The following AKR1C8 variants were observed in gnomAD, a reference collection of about 807,000 sequenced individuals.
AKR1C8 encodes the protein aldo-keto reductase family 1 member C8.
chr10:5,154,323 A>C, the AKR1C8 span: 1 of 313,344 alleles, frequency 3.2e-6, no homozygotes, highest in South Asian at 3.2e-5. Context: ...GGTTTAATCT[A>C]TGGAGGGGAT....
the AKR1C8 span, among the ~76,000 whole-genome samples, chr10:5,135,810 A>T: frequency 1.3e-5 from 2 of 152,316 alleles, no homozygotes; most frequent in Middle Eastern, 6.8e-3. Context: ...ACAATAAAAA[A>T]GTTAAACATT....
chr10:5,163,839 T>C, the AKR1C8 span, among the ~76,000 whole-genome samples: 1 of 152,178 alleles, frequency 6.6e-6, no homozygotes, highest in Non-Finnish European at 1.5e-5. Flanking sequence ...ACCACAGATA[T>C]GCCTTTGTCC....
chr10:5,174,955 A>C, the AKR1C8 span, among the ~76,000 whole-genome samples: 2 of 152,138 alleles, frequency 1.3e-5, no homozygotes, highest in Admixed American at 6.6e-5. Context: ...TGAAATAAAA[A>C]ACAAGGTTTT....
At chr10:5,130,324 G>C in the AKR1C8 span, among the ~76,000 whole-genome samples, 67 of 152,050 alleles carry the variant, frequency 4.4e-4, 1 homozygote, top group East Asian at 3.9e-3. Flanking sequence ...ATACTGAATG[G>C]AGAAAAGTTT....
chr10:5,119,975 C>G, the AKR1C8 span, among the ~76,000 whole-genome samples: 1 of 152,014 alleles, frequency 6.6e-6, no homozygotes, highest in Non-Finnish European at 1.5e-5. Context: ...ATAGACAGGC[C>G]CCAAAACTAG....
chr10:5,147,913 G>T, the AKR1C8 span, among the ~76,000 whole-genome samples: 2 of 152,210 alleles, frequency 1.3e-5, no homozygotes, highest in East Asian at 3.9e-4. Context: ...GCTTATCATT[G>T]CTCAAGTAGA....
the AKR1C8 span, among the ~76,000 whole-genome samples, chr10:5,136,764 A>G: frequency 3.3e-5 from 5 of 152,200 alleles, no homozygotes; most frequent in African/African-American, 1.2e-4. Context: ...CCTTTAGAGG[A>G]GGACATAAAT....
the AKR1C8 span, among the ~76,000 whole-genome samples, chr10:5,124,469 G>C: frequency 9.2e-5 from 14 of 151,926 alleles, no homozygotes; most frequent in Non-Finnish European, 1.9e-4. Context: ...GACTTGGTGA[G>C]GGATTCTTTT....
chr10:5,126,934 A>T, the AKR1C8 span, among the ~76,000 whole-genome samples: 59,619 of 151,934 alleles, frequency 0.39, 12,501 homozygotes, highest in Non-Finnish European at 0.43. Flanking sequence ...GACATTAAAG[A>T]AAAACAGGGA....
chr10:5,139,053 C>T, the AKR1C8 span, among the ~76,000 whole-genome samples: 20 of 152,108 alleles, frequency 1.3e-4, no homozygotes, highest in African/African-American at 4.6e-4. Flanking sequence ...CTCCCATTCA[C>T]AATTGCTTCA....
the AKR1C8 span, among the ~76,000 whole-genome samples, chr10:5,132,968 C>T: frequency 6.6e-6 from 1 of 152,162 alleles, no homozygotes; most frequent in Non-Finnish European, 1.5e-5. Flanking sequence ...CCTCTTCAAT[C>T]CCAGGTAATT....
chr10:5,145,516 C>A, the AKR1C8 span, among the ~76,000 whole-genome samples: 1 of 152,094 alleles, frequency 6.6e-6, no homozygotes, highest in African/African-American at 2.4e-5. Context: ...AAACAAACAA[C>A]CCCATCAAAA....
chr10:5,131,677 A>AAAAAC, the AKR1C8 span, among the ~76,000 whole-genome samples: 3 of 152,138 alleles, frequency 2.0e-5, no homozygotes, highest in Non-Finnish European at 4.4e-5. Flanking sequence ...AAAGTAAAAA[A>AAAAAC]AAAAACAAAA....
chr10:5,124,443 A>G, the AKR1C8 span, among the ~76,000 whole-genome samples: 1 of 152,096 alleles, frequency 6.6e-6, no homozygotes, highest in African/African-American at 2.4e-5. Context: ...TGAGAGGAAT[A>G]ACTATTTCTT....
the AKR1C8 span, chr10:5,158,530 C>T: frequency 1.2e-5 from 5 of 407,978 alleles, no homozygotes; most frequent in Non-Finnish European, 2.0e-5. Context: ...TTTAAAACTT[C>T]GCTTTAATAG....
the AKR1C8 span, among the ~76,000 whole-genome samples, chr10:5,126,694 G>T: frequency 6.6e-6 from 1 of 152,080 alleles, no homozygotes; most frequent in Non-Finnish European, 1.5e-5. Context: ...CACAACAGGA[G>T]AATAAGATAA....
chr10:5,139,180 G>A, the AKR1C8 span, among the ~76,000 whole-genome samples: 2 of 152,300 alleles, frequency 1.3e-5, no homozygotes, highest in Middle Eastern at 3.4e-3. Context: ...GACATTCCAT[G>A]CTCATGGATA....
chr10:5,139,307 G>A, the AKR1C8 span, among the ~76,000 whole-genome samples: 2 of 152,076 alleles, frequency 1.3e-5, no homozygotes, highest in African/African-American at 4.8e-5. Context: ...CTACTTTAAA[G>A]TTCATATGGA....
At chr10:5,147,065 G>C in the AKR1C8 span, among the ~76,000 whole-genome samples, 1 of 152,172 alleles carries the variant, frequency 6.6e-6, no homozygotes, top group Non-Finnish European at 1.5e-5. Flanking sequence ...TAGGCCTCTG[G>C]TGAGGGCCCC....
Sources: gnomAD v4.1 joint callset for allele counts (sites outside exome capture counted in the v4.1 genomes callset) on GRCh38, gnomAD v4.1.1 for gene constraint, MANE v1.5 for transcripts, NCBI Gene and HGNC (gene_info 2026-07-23, HGNC 2026-07-21) for gene names.